Variants in PTPRD observed in about 807,000 individuals in gnomAD.
PTPRD encodes the protein receptor-type tyrosine-protein phosphatase delta.
A neutral mutation model predicts 214.5 loss-of-function variants in PTPRD; 34 were observed. The ratio of observed to expected loss-of-function variants is 0.16; its 90% CI spans 0.12 to 0.21. The LOEUF is 0.21. Among genes scored for constraint, PTPRD ranks in the 10% least tolerant of loss-of-function variants. The pLI is 1.00. For missense variants in PTPRD, 2,545 were observed against 2,398.7 expected, an observed-to-expected ratio of 1.06 and a Z score of -1.27; for synonymous variants, 1,128 against 845.7, an observed-to-expected ratio of 1.33 and a Z score of -5.79.
At chr9:9,517,538 T>C (rs916813995) in intron 8 of PTPRD, among the ~76,000 whole-genome samples, 1 of 152,066 alleles carries the variant, frequency 6.6e-6, no homozygotes, top group African/African-American at 2.4e-5. Context: ...AAACAGTTAA[T>C]GTTTCTTCCT....
chr9:9,670,206 GA>G, intron 7 of PTPRD, among the ~76,000 whole-genome samples: 1 of 152,238 alleles, frequency 6.6e-6, no homozygotes, highest in African/African-American at 2.4e-5. Flanking sequence ...CAAGACCAGG[GA>G]AGCTGAGGGG....
chr9:10,460,941 A>G (rs1311861300), intron 2 of PTPRD, among the ~76,000 whole-genome samples: 1 of 152,184 alleles, frequency 6.6e-6, no homozygotes, highest in African/African-American at 2.4e-5. Context: ...AAATCAACAA[A>G]ATGAGAAGGT....
rs180883753 is a variant in PTPRD, at chr9:9,300,685, C to T, written c.-203+96764G>A. Among the ~76,000 whole-genome samples the T allele has an allele frequency of 4.1e-3, 618 of 151,820 alleles. 6 individuals are homozygous for T. Among genetic ancestry groups the T allele is most frequent in the African/African-American group, 0.014 (572 of 41,490 alleles). ...TATGAGGATACAATGAGAAGTCAGC[C>T]GTTGGATAGGTAGAAGGCTGTCACC... On this transcript the variant is annotated intron_variant, in intron 9 of 45. Transcript: ENST00000381196.
At chr9:10,302,749 C>T (rs768771379) in intron 3 of PTPRD, among the ~76,000 whole-genome samples, 1 of 152,162 alleles carries the variant, frequency 6.6e-6, no homozygotes, top group Non-Finnish European at 1.5e-5. Context: ...TACAGGAGCA[C>T]CCAGATTCAC....
intron 11 of PTPRD, among the ~76,000 whole-genome samples, chr9:8,828,725 C>T (rs1220478200): frequency 1.3e-5 from 2 of 152,130 alleles, no homozygotes; most frequent in African/African-American, 4.8e-5. Context: ...CTCTAAAAAA[C>T]ATATATAATA....
intron 5 of PTPRD, chr9:9,799,462 C>T (rs1237512445): frequency 6.6e-6 from 1 of 152,122 alleles, no homozygotes; most frequent in Non-Finnish European, 1.5e-5. Flanking sequence ...AGGCCAAATA[C>T]TTCTAAAAAT....
chr9:8,444,315 C>T (rs951985394), intron 34 of PTPRD, among the ~76,000 whole-genome samples: 1 of 152,068 alleles, frequency 6.6e-6, no homozygotes, highest in African/African-American at 2.4e-5. Context: ...TGAAAAAAGT[C>T]CATTTTTATA....
At chr9:8,921,996 C>G (rs2098831351) in intron 11 of PTPRD, among the ~76,000 whole-genome samples, 1 of 152,118 alleles carries the variant, frequency 6.6e-6, no homozygotes, top group Non-Finnish European at 1.5e-5. Flanking sequence ...CAGATAGAAT[C>G]CCAGTCTCTC....
At chr9:8,823,978 T>C (rs540608151) in intron 11 of PTPRD, among the ~76,000 whole-genome samples, 2 of 152,326 alleles carry the variant, frequency 1.3e-5, no homozygotes, top group East Asian at 3.9e-4. Context: ...TTAGATTGTA[T>C]AGGGTAACTT....
chr9:9,990,865 T>A (rs952090840), intron 4 of PTPRD, among the ~76,000 whole-genome samples: 4 of 152,146 alleles, frequency 2.6e-5, no homozygotes, highest in Non-Finnish European at 4.4e-5. Context: ...AAGAGAGATA[T>A]ATTGTCTCAG....
chr9:8,535,274 A>C (rs1322784678), intron 14 of PTPRD, among the ~76,000 whole-genome samples: 1 of 151,942 alleles, frequency 6.6e-6, no homozygotes, highest in Non-Finnish European at 1.5e-5. Context: ...GTAGTGCAGC[A>C]ATAAACTGCA....
At chr9:9,615,006 G>A (rs1190759684) in intron 7 of PTPRD, among the ~76,000 whole-genome samples, 1 of 152,154 alleles carries the variant, frequency 6.6e-6, no homozygotes, top group Non-Finnish European at 1.5e-5. Flanking sequence ...AATTGCAGGA[G>A]GAAGGGGCTT....
intron 12 of PTPRD, among the ~76,000 whole-genome samples, chr9:8,711,665 C>T (rs537833511): frequency 3.3e-5 from 5 of 152,178 alleles, no homozygotes; most frequent in African/African-American, 1.2e-4. Flanking sequence ...ACCCCATCTA[C>T]AGAGATTCTG....
intron 7 of PTPRD, among the ~76,000 whole-genome samples, chr9:9,719,285 G>C (rs145653854): frequency 0.024 from 3,710 of 152,196 alleles, 54 homozygotes; most frequent in Non-Finnish European, 0.038. Context: ...TCAACCTCCA[G>C]TTGTCCACAT....
intron 2 of PTPRD, among the ~76,000 whole-genome samples, chr9:10,442,418 T>C (rs73408124): frequency 0.014 from 2,177 of 151,684 alleles, 38 homozygotes; most frequent in African/African-American, 0.044. Flanking sequence ...ATGTTACAGA[T>C]AGTTTGACCT....
intron 37 of PTPRD, among the ~76,000 whole-genome samples, chr9:8,383,369 A>C (rs1480053298): frequency 6.6e-6 from 1 of 152,146 alleles, no homozygotes; most frequent in Non-Finnish European, 1.5e-5. Context: ...CAAGTTCCCT[A>C]AACTGTTAAC....
chr9:9,496,460 A>T (rs924924181), intron 8 of PTPRD, among the ~76,000 whole-genome samples: 4 of 152,184 alleles, frequency 2.6e-5, no homozygotes, highest in African/African-American at 9.6e-5. Flanking sequence ...TCCAATAAGC[A>T]CATGCAAAGA....
intron 11 of PTPRD, among the ~76,000 whole-genome samples, chr9:9,013,776 A>G (rs1293233010): frequency 6.6e-6 from 1 of 152,086 alleles, no homozygotes; most frequent in Non-Finnish European, 1.5e-5. Context: ...TGTTTTTTCC[A>G]GTGGTGGTGA....
At chr9:8,381,621 T>C (rs1476386494) in intron 37 of PTPRD, among the ~76,000 whole-genome samples, 3 of 152,196 alleles carry the variant, frequency 2.0e-5, no homozygotes, top group African/African-American at 7.2e-5. Context: ...ATTAAAGCAT[T>C]TGACCACCAG....
Sources: gnomAD v4.1 joint callset for allele counts (sites outside exome capture counted in the v4.1 genomes callset) on GRCh38, gnomAD v4.1.1 for gene constraint, MANE v1.5 for transcripts, NCBI Gene and HGNC (gene_info 2026-07-23, HGNC 2026-07-21) for gene names.